The following ASTN2 variants were observed in gnomAD, a reference collection of about 807,000 sequenced individuals.
ASTN2 encodes astrotactin 2.
In ASTN2, 54 loss-of-function variants were observed where a neutral mutation model predicts 139.8. That is an observed-to-expected ratio of 0.39 (90% CI 0.31 to 0.48). The LOEUF (loss-of-function observed/expected upper bound fraction) is 0.48, where lower values mean the gene tolerates loss of function less well. ASTN2 is among the 20% of genes least tolerant of loss of function. ASTN2 has a pLI of 0.95. For missense variants in ASTN2, 1,565 were observed against 1,725.1 expected, an observed-to-expected ratio of 0.91 and a Z score of 1.64; for synonymous variants, 756 against 719.5, an observed-to-expected ratio of 1.05 and a Z score of -0.81.
chr9:116,556,622 T>C (rs2119435753), intron 19 of ASTN2, among the ~76,000 whole-genome samples: 1 of 152,278 alleles, frequency 6.6e-6, no homozygotes, highest in South Asian at 2.1e-4. Flanking sequence ...AGAGAGAAAG[T>C]GAAAAGAGGT....
rs531074353 is a variant in ASTN2, at chr9:116,510,443, T to C, written c.3356-22943A>G. The stretch of plus-strand genomic sequence containing the variant: ...GTTTGAAATCAGGTAGCGTGATGCC[T>C]CCAGCTTTGTTTTTTTGCTTAGGAT... On this transcript the variant is annotated intron_variant, in intron 19 of 22. Transcript: ENST00000313400. Among the ~76,000 whole-genome samples, 319 of 152,306 alleles carry C rather than the reference T, an allele frequency of 2.1e-3. 1 individual carries two copies. Among genetic ancestry groups the C allele is most frequent in the African/African-American group, 7.4e-3 (308 of 41,548 alleles).
At chr9:116,802,101 T>G (rs1299736253) in intron 13 of ASTN2, among the ~76,000 whole-genome samples, 1 of 124,394 alleles carries the variant, frequency 8.0e-6, no homozygotes, top group Non-Finnish European at 1.7e-5. Flanking sequence ...TTTTTTTTTT[T>G]TTTTTGACAT....
chr9:116,467,636 TC>T (rs1848690450), intron 20 of ASTN2, among the ~76,000 whole-genome samples: 1 of 152,234 alleles, frequency 6.6e-6, no homozygotes, highest in African/African-American at 2.4e-5. Context: ...CTGTTAGACT[TC>T]CCAGTTATAT....
At chr9:117,006,841 G>T (rs976392114) in intron 7 of ASTN2, among the ~76,000 whole-genome samples, 1 of 152,122 alleles carries the variant, frequency 6.6e-6, no homozygotes, top group African/African-American at 2.4e-5. Flanking sequence ...ATTAGGCTGG[G>T]CGTGATGGCT....
intron 12 of ASTN2, among the ~76,000 whole-genome samples, chr9:116,810,441 T>G (rs1313048142): frequency 6.6e-6 from 1 of 152,232 alleles, no homozygotes. Flanking sequence ...CCGCCTTTGC[T>G]TATCTATAAA....
intron 19 of ASTN2, among the ~76,000 whole-genome samples, chr9:116,541,255 G>C (rs965112581): frequency 2.6e-5 from 4 of 152,052 alleles, no homozygotes; most frequent in African/African-American, 9.7e-5. Flanking sequence ...ATTTAGGCGG[G>C]AAAGAGAAAA....
intron 10 of ASTN2, among the ~76,000 whole-genome samples, chr9:116,919,740 T>C (rs2132433770): frequency 6.6e-6 from 1 of 150,376 alleles, no homozygotes; most frequent in African/African-American, 2.5e-5. Flanking sequence ...TCCCAGGAGT[T>C]TGAGACTAGC....
At chr9:116,443,048 C>A (rs1352859248) in intron 20 of ASTN2, among the ~76,000 whole-genome samples, 2 of 152,036 alleles carry the variant, frequency 1.3e-5, no homozygotes, top group Non-Finnish European at 2.9e-5. Flanking sequence ...TAAGTAAAAT[C>A]AAAAAGTAAA....
chr9:116,761,104 G>A (rs565872510), intron 13 of ASTN2, among the ~76,000 whole-genome samples: 45 of 152,262 alleles, frequency 3.0e-4, no homozygotes, highest in Non-Finnish European at 6.5e-4. Flanking sequence ...CTGTTCATTC[G>A]TGGTTGTGCA....
intron 19 of ASTN2, among the ~76,000 whole-genome samples, chr9:116,511,488 G>C (rs917244031): frequency 2.0e-5 from 3 of 152,278 alleles, no homozygotes; most frequent in South Asian, 2.1e-4. Flanking sequence ...TCTCTGCCAG[G>C]CTTTGGTATT....
chr9:116,477,254 G>A (rs1374409453), intron 20 of ASTN2, among the ~76,000 whole-genome samples: 1 of 152,156 alleles, frequency 6.6e-6, no homozygotes. Context: ...ATGCACGGCT[G>A]TATTTGCTTC....
At chr9:116,701,916 C>T (rs1171889285) in intron 16 of ASTN2, among the ~76,000 whole-genome samples, 1 of 143,470 alleles carries the variant, frequency 7.0e-6, no homozygotes, top group Non-Finnish European at 1.5e-5. Flanking sequence ...TTTAAAGCAG[C>T]AGTACCCTTG....
intron 3 of ASTN2, among the ~76,000 whole-genome samples, chr9:117,162,419 C>A (rs1248499215): frequency 2.0e-5 from 3 of 151,952 alleles, no homozygotes; most frequent in Non-Finnish European, 4.4e-5. Context: ...CTGGTGAGAG[C>A]AAAGCAGAAG....
At chr9:117,119,779 C>G (rs1471777937) in intron 4 of ASTN2, among the ~76,000 whole-genome samples, 2 of 151,758 alleles carry the variant, frequency 1.3e-5, no homozygotes, top group African/African-American at 2.4e-5. Flanking sequence ...ATGAGGGCAT[C>G]CCAATGTGAC....
rs556066762 is a variant in ASTN2, at chr9:117,003,609, C to A, written c.1591+4483G>T. ...GTGCCTTATTTTTCAAACTGGCTAA[C>A]ACACACCTTGGATGACCCGCTGTTT... On this transcript the variant is annotated intron_variant, in intron 7 of 22. Coordinates refer to ENST00000313400, the MANE Select transcript of ASTN2 (RefSeq NM_001365068.1). Among the ~76,000 whole-genome samples the A allele has an allele frequency of 1.2e-4, 16 of 129,242 alleles. No individual in the cohort carries two copies. In the Admixed American group the frequency reaches 1.4e-3, roughly 11 times the overall value. The allele number at this position is 129,242 out of a possible 152,430, so 84.8% of individuals were successfully genotyped here. A position where few individuals can be genotyped will look rare whatever the true frequency, so the allele number is the denominator to read the frequency against.
intron 1 of ASTN2, among the ~76,000 whole-genome samples, chr9:117,406,409 A>G: frequency 6.6e-6 from 1 of 152,142 alleles, no homozygotes; most frequent in East Asian, 1.9e-4. Flanking sequence ...TCAGAGTCAA[A>G]GCCCAAATCC....
intron 1 of ASTN2, among the ~76,000 whole-genome samples, chr9:117,373,492 C>T (rs907194558): frequency 8.5e-5 from 13 of 152,142 alleles, no homozygotes; most frequent in Admixed American, 8.5e-4. Flanking sequence ...CAAGGTCAAA[C>T]TAAGGGATGC....
At chr9:117,397,000 G>T (rs1044802809) in intron 1 of ASTN2, among the ~76,000 whole-genome samples, 2 of 148,916 alleles carry the variant, frequency 1.3e-5, no homozygotes, top group African/African-American at 5.0e-5. Context: ...AGAGTGTAGC[G>T]GCCCAATCTA....
chr9:116,656,972 A>G (rs1858255672), intron 16 of ASTN2, among the ~76,000 whole-genome samples: 1 of 152,152 alleles, frequency 6.6e-6, no homozygotes. Flanking sequence ...AATTAGAAAC[A>G]TTAAGGGAGA....
Sources: gnomAD v4.1 joint callset for allele counts (sites outside exome capture counted in the v4.1 genomes callset) on GRCh38, gnomAD v4.1.1 for gene constraint, MANE v1.5 for transcripts, NCBI Gene and HGNC (gene_info 2026-07-23, HGNC 2026-07-21) for gene names.